The following OCM variants were observed in gnomAD, a reference collection of about 807,000 sequenced individuals.
OCM encodes the protein oncomodulin-1.
In OCM, 18 loss-of-function variants were observed where a neutral mutation model predicts 14.1. The ratio of observed to expected loss-of-function variants is 1.28; its 90% CI spans 0.88 to 1.89. The LOEUF (loss-of-function observed/expected upper bound fraction) is 1.89. Ranked by LOEUF, OCM falls within the 40% of genes most tolerant of loss-of-function variation. OCM has a pLI of 0.00. For missense variants in OCM, 140 were observed against 137.6 expected (o/e 1.02, Z -0.09); for synonymous variants, 48 against 51.0 (o/e 0.94, Z 0.25).
At chr7:5,875,525 C>G (rs956016292), upstream of OCM, among the ~76,000 whole-genome samples, 4 of 152,054 alleles carry the variant, frequency 2.6e-5, no homozygotes, top group Non-Finnish European at 5.9e-5. Flanking sequence ...CCTGGCTGGT[C>G]TCGAATTCCT....
chr7:5,882,506 T>G lies in OCM; in HGVS notation c.75T>G (p.Phe25Leu). 6.2e-7 allele frequency: 1 copy of G among 1,614,172 alleles called. No homozygotes were observed. Among genetic ancestry groups the G allele is most frequent in the East Asian group, 2.2e-5 (1 of 44,884 alleles). Reference protein sequence around the residue: ...ALQECRDPDTFEPQKFFQTSG... With the variant: ...ALQECRDPDTLEPQKFFQTSG... ...TCTGTTCTTCAGACCCAGACACTTT[T>G]GAACCCCAAAAATTCTTCCAGACAT... The change falls in exon 2 of 4, where the codon TTT becomes TTG. Residue 25 changes from phenylalanine to leucine, a missense_variant. Transcript: ENST00000242104.
the OCM span, among the ~76,000 whole-genome samples, chr7:5,872,509 C>G: frequency 6.6e-6 from 1 of 152,186 alleles, no homozygotes; most frequent in Non-Finnish European, 1.5e-5. Context: ...CGTCACCACA[C>G]AGAGACAGCT....
upstream of OCM, among the ~76,000 whole-genome samples, chr7:5,875,862 G>A (rs1452021516): frequency 6.6e-6 from 1 of 150,508 alleles, no homozygotes; most frequent in Non-Finnish European, 1.5e-5. Context: ...CTGAGACAAG[G>A]TCTCACTGTG....
intron 1 of OCM, 99 bp from the exon 2 acceptor site, chr7:5,882,394 T>C (rs1252794303): frequency 7.3e-7 from 1 of 1,375,734 alleles, no homozygotes; most frequent in Non-Finnish European, 1.0e-6. Flanking sequence ...CTCAGGGATA[T>C]TGTTGAAGTG....
chr7:5,868,377 G>T, the OCM span, among the ~76,000 whole-genome samples: 1 of 151,774 alleles, frequency 6.6e-6, no homozygotes, highest in Non-Finnish European at 1.5e-5. Context: ...TGAACTCCTG[G>T]CCTCAAATGG....
the OCM span, among the ~76,000 whole-genome samples, chr7:5,873,816 G>A: frequency 6.6e-6 from 1 of 152,042 alleles, no homozygotes; most frequent in African/African-American, 2.4e-5. Context: ...TGTTTAGGAA[G>A]TGATGTCTGT....
At chr7:5,878,531 G>A (rs1015147810), upstream of OCM, among the ~76,000 whole-genome samples, 1 of 151,624 alleles carries the variant, frequency 6.6e-6, no homozygotes, top group African/African-American at 2.4e-5. Context: ...CGGATCACGA[G>A]GTCAGGAGAT....
the OCM span, among the ~76,000 whole-genome samples, chr7:5,865,021 T>G: frequency 1.3e-5 from 2 of 152,210 alleles, no homozygotes; most frequent in Middle Eastern, 6.8e-3. Context: ...TTGAAAGACC[T>G]GTGGAAGACA....
chr7:5,876,623 C>T (rs1297032601), upstream of OCM, among the ~76,000 whole-genome samples: 6 of 152,130 alleles, frequency 3.9e-5, no homozygotes, highest in Admixed American at 3.3e-4. Flanking sequence ...GGTAGGGTGT[C>T]GGCTGGAGGT....
chr7:5,867,872 C>T, the OCM span, among the ~76,000 whole-genome samples: 1,674 of 151,798 alleles, frequency 0.011, 29 homozygotes, highest in African/African-American at 0.038. Context: ...GGTGATCCTC[C>T]CCGGTAGCTG....
chr7:5,876,730 C>T (rs1031986821), upstream of OCM, among the ~76,000 whole-genome samples: 6 of 151,810 alleles, frequency 4.0e-5, no homozygotes, highest in African/African-American at 1.5e-4. Flanking sequence ...ATATTTGGGG[C>T]AAAGTGAAGA....
the OCM span, among the ~76,000 whole-genome samples, chr7:5,869,395 C>T: frequency 1.5e-3 from 234 of 151,954 alleles, 2 homozygotes; most frequent in African/African-American, 5.4e-3. Context: ...GTCAGGAGGT[C>T]GAGACCAGCC....
chr7:5,878,604 G>T (rs373750253), upstream of OCM, among the ~76,000 whole-genome samples: 129 of 151,680 alleles, frequency 8.5e-4, no homozygotes, highest in Middle Eastern at 3.4e-3. Context: ...AAAATTAGCC[G>T]GGTGTTGTGG....
rs1477690976 is a variant in OCM, at chr7:5,886,343, A to T, written c.*254A>T. On this transcript the variant is annotated 3_prime_UTR_variant, in exon 4 of 4. Transcript: ENST00000242104. ...AGGCAATGCCTCTAAAAATCACCCAATAAAGACAGGCTTCTCATCATCTGC... is the reference window on the plus strand; with the variant it reads ...AGGCAATGCCTCTAAAAATCACCCATTAAAGACAGGCTTCTCATCATCTGC... The T allele has an allele frequency of 6.0e-6, 3 of 502,718 alleles. No homozygotes were observed. Among genetic ancestry groups the T allele is most frequent in the Non-Finnish European group, 1.1e-5 (3 of 276,894 alleles). The allele number at this position is 502,718 out of a possible 1,614,324, so 31.1% of individuals were successfully genotyped here.
Position 5,885,572 on chromosome 7 carries a change from T to C in OCM, c.305-492T>C, listed in dbSNP as rs796495940. Reference sequence around the variant, plus strand: ...GAACCCTGTGAACTTCCTCGAGATATAGTCATTGATACCCAGGGTTTTTTT... The same window carrying C: ...GAACCCTGTGAACTTCCTCGAGATACAGTCATTGATACCCAGGGTTTTTTT... On this transcript the variant is annotated intron_variant, in intron 3 of 3. Coordinates refer to ENST00000242104, the MANE Select transcript of OCM (RefSeq NM_001097622.2). Among the ~76,000 whole-genome samples, 103 of 151,878 alleles carry C rather than the reference T, an allele frequency of 6.8e-4. 1 individual carries two copies. Among genetic ancestry groups the C allele is most frequent in the African/African-American group, 2.4e-3 (98 of 41,458 alleles).
the OCM span, among the ~76,000 whole-genome samples, chr7:5,860,855 C>T: frequency 1.4e-5 from 2 of 138,796 alleles, no homozygotes; most frequent in Non-Finnish European, 3.3e-5. Flanking sequence ...CATACATATA[C>T]ATATACATAT....
the OCM span, among the ~76,000 whole-genome samples, chr7:5,874,064 A>AT: frequency 0.11 from 16,125 of 149,636 alleles, 1,301 homozygotes; most frequent in Admixed American, 0.27. Context: ...AAAAATAAAA[A>AT]AAAAAAAAAA....
intron 1 of OCM, among the ~76,000 whole-genome samples, chr7:5,881,721 A>G (rs1187971952): frequency 6.6e-6 from 1 of 152,146 alleles, no homozygotes; most frequent in East Asian, 1.9e-4. Flanking sequence ...AACTAAAATT[A>G]TAGAGATCTG....
At chr7:5,864,870 G>T in the OCM span, among the ~76,000 whole-genome samples, 1 of 151,874 alleles carries the variant, frequency 6.6e-6, no homozygotes, top group African/African-American at 2.4e-5. Flanking sequence ...CCCGGGAGGC[G>T]GAGGTTGCAG....
Sources: gnomAD v4.1 joint callset for allele counts (sites outside exome capture counted in the v4.1 genomes callset) on GRCh38, gnomAD v4.1.1 for gene constraint, MANE v1.5 for transcripts, NCBI Gene and HGNC (gene_info 2026-07-23, HGNC 2026-07-21) for gene names.